CDKL3: variants seen among roughly 807,000 people sequenced by gnomAD.
The protein encoded by CDKL3 is cyclin-dependent kinase-like 3.
A neutral mutation model predicts 69.3 loss-of-function variants in CDKL3; 65 were observed. The observed-to-expected ratio is 0.94, with a 90% CI of 0.77 to 1.15. CDKL3 has a LOEUF of 1.15. Among genes scored for constraint, CDKL3 ranks in the 50% most tolerant of loss-of-function variants. The pLI is 0.00. For synonymous variants in CDKL3, 202 were observed against 221.6 expected (o/e 0.91, Z 0.79); for missense variants, 652 against 689.2 (o/e 0.95, Z 0.61).
At chr5:134,370,117 A>G (rs1758200932), upstream of CDKL3, among the ~76,000 whole-genome samples, 1 of 152,222 alleles carries the variant, frequency 6.6e-6, no homozygotes, top group Non-Finnish European at 1.5e-5. Context: ...GAAAGTCAGA[A>G]AAGTTAACTC....
At chr5:134,288,332 C>G (rs983665313) in intron 8 of CDKL3, among the ~76,000 whole-genome samples, 1 of 152,198 alleles carries the variant, frequency 6.6e-6, no homozygotes, top group Admixed American at 6.5e-5. Flanking sequence ...ACTAGTATCT[C>G]TTTTTTGACA....
chr5:134,302,831 T>C (rs971533507), intron 11 of CDKL3, 144 bp from the exon 12 acceptor site: 18 of 534,550 alleles, frequency 3.4e-5, no homozygotes, highest in Middle Eastern at 4.9e-4. Flanking sequence ...TGAGTTGTAA[T>C]GGTAAAATAT....
chr5:134,330,146 A>C (rs1775416624), intron 4 of CDKL3, among the ~76,000 whole-genome samples: 1 of 152,226 alleles, frequency 6.6e-6, no homozygotes, highest in Non-Finnish European at 1.5e-5. Flanking sequence ...ATGTCCCTAA[A>C]GAACTGAGTG....
chr5:134,312,193 TTTG>T (rs1769732746), intron 7 of CDKL3, 96 bp downstream of exon 7: 1 of 700,146 alleles, frequency 1.4e-6, no homozygotes, highest in African/African-American at 1.8e-5. Context: ...AAACTGAATA[TTTG>T]TTATATAAAA....
intron 4 of CDKL3, among the ~76,000 whole-genome samples, chr5:134,336,300 A>G (rs1387001779): frequency 6.6e-6 from 1 of 152,062 alleles, no homozygotes; most frequent in East Asian, 1.9e-4. Flanking sequence ...GTTTGTTATT[A>G]CCGCCCTTCT....
chr5:134,284,097 A>G (rs577372420), downstream of CDKL3, among the ~76,000 whole-genome samples: 15 of 152,198 alleles, frequency 9.9e-5, no homozygotes, highest in South Asian at 3.1e-3. Flanking sequence ...GGCTGCTTTC[A>G]TGGGCTGGCA....
chr5:134,336,958 G>A (rs143324114), intron 4 of CDKL3, among the ~76,000 whole-genome samples: 4 of 152,234 alleles, frequency 2.6e-5, no homozygotes. Flanking sequence ...AGAGGCAGTA[G>A]TCCTTGCTGA....
downstream of CDKL3, among the ~76,000 whole-genome samples, chr5:134,294,466 C>T (rs552619292): frequency 6.6e-6 from 1 of 152,262 alleles, no homozygotes; most frequent in African/African-American, 2.4e-5. Flanking sequence ...ACTGTCATGA[C>T]TTCTGCTCAA....
chr5:134,363,977 A>AAG (rs774547186), intron 2 of CDKL3, among the ~76,000 whole-genome samples: 10 of 119,318 alleles, frequency 8.4e-5, no homozygotes, highest in African/African-American at 2.8e-4. Context: ...AAAAAAAAAA[A>AAG]AGAGAGAGAA....
intron 4 of CDKL3, 70 bp downstream of exon 4, chr5:134,350,179 C>T (rs1042532739): frequency 1.6e-5 from 20 of 1,212,330 alleles, no homozygotes; most frequent in East Asian, 1.6e-4. Flanking sequence ...CAGAGCAACA[C>T]GCCATCTCAA....
chr5:134,351,810 ATATCATG>A (rs1180097507), intron 3 of CDKL3, among the ~76,000 whole-genome samples: 1 of 152,160 alleles, frequency 6.6e-6, no homozygotes, highest in Non-Finnish European at 1.5e-5. Flanking sequence ...AAAATTGTAT[ATATCATG>A]TACATGTTGT....
downstream of CDKL3, among the ~76,000 whole-genome samples, chr5:134,284,563 G>C (rs1764772795): frequency 6.6e-6 from 1 of 152,174 alleles, no homozygotes; most frequent in Admixed American, 6.5e-5. Context: ...CAACCGGTCT[G>C]ACTAGAATTC....
intron 3 of CDKL3, among the ~76,000 whole-genome samples, chr5:134,350,680 A>T (rs1753020998): frequency 6.6e-6 from 1 of 152,024 alleles, no homozygotes; most frequent in Non-Finnish European, 1.5e-5. Context: ...TGTAAGAAAA[A>T]CCAAAAGAAC....
intron 2 of CDKL3, among the ~76,000 whole-genome samples, chr5:134,363,749 C>T (rs1756646079): frequency 6.6e-6 from 1 of 152,042 alleles, no homozygotes; most frequent in Non-Finnish European, 1.5e-5. Flanking sequence ...GCGTGAACCA[C>T]CGCGCCCAGC....
At chr5:134,322,267 C>T (rs1772996674) in intron 4 of CDKL3, among the ~76,000 whole-genome samples, 1 of 152,166 alleles carries the variant, frequency 6.6e-6, no homozygotes, top group East Asian at 1.9e-4. Context: ...CCGCCTCAGC[C>T]TCCCAAAGTG....
chr5:134,302,318 C>A, intron 12 of CDKL3: 1 of 462,502 alleles, frequency 2.2e-6, no homozygotes, highest in South Asian at 1.7e-5. Flanking sequence ...GTCTGACTTA[C>A]CTGCCTGATA....
chr5:134,307,308 C>G (rs958666661), intron 9 of CDKL3, among the ~76,000 whole-genome samples: 1 of 152,194 alleles, frequency 6.6e-6, no homozygotes, highest in African/African-American at 2.4e-5. Context: ...TCAGCTTTCT[C>G]AATTTATGAA....
rs1218489025 is a variant in CDKL3, at chr5:134,366,350, G to T, written c.165+9C>A. The T allele has an allele frequency of 6.5e-7, 1 of 1,540,010 alleles. No homozygotes were observed. Among genetic ancestry groups the T allele is most frequent in the Non-Finnish European group, 8.7e-7 (1 of 1,149,028 alleles). The stretch of plus-strand genomic sequence containing the variant: ...TTTGACTTAGATGATTAAGGCAAAA[G>T]AAGCAAACCTTTAGAAACTTTATTT... On this transcript the variant is annotated intron_variant, in intron 2 of 12. Coordinates refer to ENST00000265334, the MANE Select transcript of CDKL3 (RefSeq NM_001113575.2).
downstream of CDKL3, among the ~76,000 whole-genome samples, chr5:134,284,672 C>T (rs189606550): frequency 4.1e-4 from 63 of 152,326 alleles, no homozygotes; most frequent in Middle Eastern, 3.4e-3. Context: ...ACAGATACTC[C>T]CAGAGCAGCC....
Sources: allele counts gnomAD v4.1 joint callset (sites outside exome capture counted in the v4.1 genomes callset), GRCh38; gene constraint gnomAD v4.1.1; transcripts MANE v1.5; gene names NCBI Gene and HGNC (gene_info 2026-07-23, HGNC 2026-07-21).